CDH26: variants seen among roughly 807,000 people sequenced by gnomAD.
CDH26 encodes cadherin-like protein 26.
Under a neutral mutation model 90.3 loss-of-function variants are expected in CDH26, and 83 were observed. That is an observed-to-expected ratio of 0.92 (90% CI 0.77 to 1.10). The LOEUF (loss-of-function observed/expected upper bound fraction) is 1.10. Among genes scored for constraint, CDH26 ranks in the 50% least tolerant of loss-of-function variants. CDH26 has a pLI of 0.00. For synonymous variants in CDH26, 397 were observed against 396.3 expected (o/e 1.00, Z -0.02); for missense variants, 1,013 against 1,037.6 (o/e 0.98, Z 0.33).
downstream of CDH26, among the ~76,000 whole-genome samples, chr20:60,017,610 G>A (rs984486185): frequency 6.6e-6 from 1 of 151,520 alleles, no homozygotes; most frequent in East Asian, 1.9e-4. Flanking sequence ...TTGTTTATTT[G>A]TGCTCTGATC....
intron 4 of CDH26, among the ~76,000 whole-genome samples, chr20:59,975,293 G>C (rs938062533): frequency 1.3e-5 from 2 of 152,170 alleles, no homozygotes; most frequent in African/African-American, 4.8e-5. Flanking sequence ...CACAGAGACA[G>C]ACGCAGAGGA....
intron 7 of CDH26, among the ~76,000 whole-genome samples, chr20:60,021,520 T>C (rs2061951384): frequency 6.6e-6 from 1 of 152,214 alleles, no homozygotes; most frequent in African/African-American, 2.4e-5. Flanking sequence ...TTAAGATGTA[T>C]TCATACCTTA....
downstream of CDH26, among the ~76,000 whole-genome samples, chr20:60,016,472 C>G (rs1305339949): frequency 2.0e-5 from 3 of 152,096 alleles, 1 homozygote; most frequent in South Asian, 6.2e-4. Flanking sequence ...TTGTCTCCAG[C>G]AACTTTGCTG....
Position 60,012,531 on chromosome 20 carries a change from T to C in CDH26, c.2300T>C (p.Leu767Pro). ...CTTTCCCCCACTTTTCCCCAGAAAC[T>C]CCATGTTGCCAATGTGCTGGAAGAT... Reference protein sequence around the residue: ...GRMAETLNQKLHVANVLEDDP... With the variant: ...GRMAETLNQKPHVANVLEDDP... The change falls in exon 18 of 18, where the codon CTC becomes CCC. Residue 767 changes from leucine to proline, a missense_variant. By Grantham distance (98) the Leu-to-Pro change is moderately conservative (BLOSUM62 -3). Coordinates refer to ENST00000348616, the MANE Select transcript of CDH26 (RefSeq NM_177980.4). The C allele has an allele frequency of 6.2e-7, 1 of 1,611,624 alleles. No homozygotes were observed. The highest frequency in any genetic ancestry group is 1.3e-5 in the African/African-American group (1 of 74,958).
rs770366539 is a variant in CDH26, at chr20:59,972,089, G to A, written c.359G>A (p.Arg120His). Reference sequence around the variant, plus strand: ...GAGAACGGAAGGATATATGTTCACCGCCCTGTCGATCGAGAAATGACACCA... The same window carrying A: ...GAGAACGGAAGGATATATGTTCACCACCCTGTCGATCGAGAAATGACACCA... ...DHENGRIYVH[R>H]PVDREMTPSF... is the part of the protein sequence containing the mutation. Residue 120 changes from arginine (R) to histidine (H), a missense_variant, in exon 4 of 18, where the codon CGC becomes CAC. Physicochemically the swap from Arg to His is conservative, Grantham distance 29. Coordinates refer to ENST00000348616, the MANE Select transcript of CDH26 (RefSeq NM_177980.4). 2.2e-5 allele frequency: 35 copies of A among 1,613,736 alleles called. No individual in the cohort carries two copies. Among genetic ancestry groups the A allele is most frequent in the African/African-American group, 1.3e-4 (10 of 74,920 alleles).
chr20:60,012,175 C>T (rs2061852739), intron 17 of CDH26, among the ~76,000 whole-genome samples: 1 of 151,700 alleles, frequency 6.6e-6, no homozygotes. Flanking sequence ...CAAACGAGGG[C>T]CGGGGGGTCA....
intron 15 of CDH26, 86 bp from the exon 16 acceptor site, chr20:60,002,727 C>A: frequency 3.2e-6 from 3 of 950,814 alleles, no homozygotes; most frequent in African/African-American, 1.6e-5. Context: ...AAATGAAAGG[C>A]AATATGACTG....
intron 7 of CDH26, among the ~76,000 whole-genome samples, chr20:60,026,525 C>T (rs2061999353): frequency 6.6e-6 from 1 of 152,108 alleles, no homozygotes; most frequent in Non-Finnish European, 1.5e-5. Context: ...TTGAAGGGGG[C>T]CACAAGCCAA....
intron 4 of CDH26, among the ~76,000 whole-genome samples, chr20:59,978,560 G>T (rs1417341381): frequency 6.6e-6 from 1 of 151,854 alleles, no homozygotes; most frequent in East Asian, 1.9e-4. Flanking sequence ...TTTTTGTAAA[G>T]GTGGGGTTTC....
chr20:59,983,115 C>G (rs370731506), intron 5 of CDH26, 45 bp downstream of exon 5: 4 of 1,592,924 alleles, frequency 2.5e-6, no homozygotes, highest in Non-Finnish European at 3.4e-6. Context: ...TGTCTCTGCT[C>G]TGTTCCTTTT....
intron 14 of CDH26, 128 bp downstream of exon 14, chr20:59,999,791 C>T (rs931689671): frequency 6.7e-6 from 5 of 749,634 alleles, no homozygotes; most frequent in Non-Finnish European, 1.1e-5. Context: ...AGTCAGCAAC[C>T]CCAGCCCCTA....
Position 59,987,547 on chromosome 20 carries a change from C to T in CDH26, c.932C>T (p.Ala311Val), listed in dbSNP as rs748659010. ...TCTCCATTTACATCAGCTTGGAGAG[C>T]AAAATTCAACATATTGCATGGCAAT... is the stretch of plus-strand genomic sequence containing the variant. ...RDSPFTSAWR[A>V]KFNILHGNEE... The change falls in exon 8 of 18, where the codon GCA becomes GTA. Residue 311 changes from alanine to valine, a missense_variant. Transcript: ENST00000348616. The T allele has an allele frequency of 6.2e-7, 1 of 1,613,930 alleles. No individual in the cohort carries two copies. Among genetic ancestry groups the T allele is most frequent in the South Asian group, 1.1e-5 (1 of 91,046 alleles).
chr20:59,999,600 T>G lies in CDH26; in HGVS notation c.2034T>G (p.Val678=). The G allele has an allele frequency of 6.2e-7, 1 of 1,614,146 alleles. No homozygotes were observed. Among genetic ancestry groups the G allele is most frequent in the Non-Finnish European group, 8.5e-7 (1 of 1,180,002 alleles). The part of the protein sequence containing the change: ...KGTSAQTWSD[V]EGQRPALLIC... ...GTGTTCTACAGACATGGTCAGATGT[T>G]GAAGGCCAGAGGCCGGCTCTGCTCA... Residue 678 remains valine, a synonymous_variant, in exon 14 of 18, where the codon GTT becomes GTG. Transcript: ENST00000348616.
intron 12 of CDH26, chr20:59,996,413 C>A (rs2061597263): frequency 2.6e-6 from 4 of 1,535,126 alleles, no homozygotes; most frequent in Non-Finnish European, 3.5e-6. Context: ...TACAATATTA[C>A]TGGCCAGATA....
chr20:59,988,739 G>C (rs2061488426), intron 8 of CDH26, among the ~76,000 whole-genome samples, 165 bp from the exon 9 acceptor site: 3 of 152,098 alleles, frequency 2.0e-5, no homozygotes, highest in South Asian at 4.2e-4. Flanking sequence ...TAAATGATTT[G>C]AAAATGAGCT....
intron 4 of CDH26, among the ~76,000 whole-genome samples, chr20:59,978,729 A>G (rs1170492606): frequency 1.3e-5 from 2 of 152,126 alleles, no homozygotes; most frequent in Non-Finnish European, 2.9e-5. Context: ...ATTTTGTACA[A>G]TATATGAAAA....
intron 13 of CDH26, 131 bp from the exon 14 acceptor site, chr20:59,999,455 C>T (rs1242187459): frequency 4.6e-6 from 3 of 645,634 alleles, no homozygotes; most frequent in East Asian, 5.8e-5. Context: ...GTATTTTTTA[C>T]AGTCTGGACT....
intron 12 of CDH26, chr20:59,996,402 A>G (rs2061597148): frequency 2.0e-6 from 3 of 1,506,874 alleles, no homozygotes; most frequent in African/African-American, 1.4e-5. Flanking sequence ...CCAAGAAACA[A>G]TACAATATTA....
At chr20:59,996,153 G>A (rs573140103) in intron 12 of CDH26, 99 bp downstream of exon 12, 5 of 1,243,248 alleles carry the variant, frequency 4.0e-6, no homozygotes, top group East Asian at 2.5e-5. Context: ...GCGGTGGCAG[G>A]ATTGGTGGAA....
Sources: gnomAD v4.1 joint callset for allele counts (sites outside exome capture counted in the v4.1 genomes callset) on GRCh38, gnomAD v4.1.1 for gene constraint, MANE v1.5 for transcripts, NCBI Gene and HGNC (gene_info 2026-07-23, HGNC 2026-07-21) for gene names.